Variants in CCDC150 observed in about 807,000 individuals in gnomAD.
CCDC150 encodes coiled-coil domain-containing protein 150.
Under a neutral mutation model 156.5 loss-of-function variants are expected in CCDC150, and 151 were observed. The ratio of observed to expected loss-of-function variants is 0.97; its 90% confidence interval spans 0.85 to 1.10. CCDC150 has a LOEUF of 1.10. Ranked by LOEUF, CCDC150 falls within the 50% of genes least tolerant of loss-of-function variation. The probability of loss-of-function intolerance (pLI) is 0.00; values close to 1 mark genes in which losing one functional copy is unlikely to be tolerated. For missense variants in CCDC150, 1,312 were observed against 1,268.1 expected (o/e 1.03, Z -0.53); for synonymous variants, 452 against 429.4 (o/e 1.05, Z -0.65).
chr2:196,713,864 A>G (rs558045004), intron 17 of CCDC150, among the ~76,000 whole-genome samples: 2 of 152,318 alleles, frequency 1.3e-5, no homozygotes, highest in South Asian at 2.1e-4. Flanking sequence ...TTAGTTTTAG[A>G]CATAGAACAT....
chr2:196,732,455 G>A lies in CCDC150; in HGVS notation c.3199G>A (p.Val1067Ile), dbSNP rs1186118358. The A allele has an allele frequency of 1.2e-6, 2 of 1,612,304 alleles. No homozygotes were observed. Among genetic ancestry groups the A allele is most frequent in the Non-Finnish European group, 8.5e-7 (1 of 1,178,642 alleles). The change falls in exon 28 of 28, where the codon GTA (valine) becomes ATA (isoleucine). Residue 1067 changes from valine (V) to isoleucine (I), a missense_variant. Physicochemically the swap from Val to Ile is conservative, Grantham distance 29. Coordinates refer to ENST00000389175, the MANE Select transcript of CCDC150 (RefSeq NM_001080539.2). ...GTTTTCTTTCCAACAGGACCAAGAT[G>A]TAAAACATGATGTCATGTCCAACCA... ...EDRWQEKDQD[V>I]KHDVMSNQSV...
intron 15 of CCDC150, among the ~76,000 whole-genome samples, chr2:196,702,343 C>G (rs1474073309): frequency 2.8e-5 from 4 of 143,682 alleles, no homozygotes; most frequent in Admixed American, 7.0e-5. Context: ...GACTGAAGTG[C>G]TGTGTGTGTG....
At chr2:196,692,304 T>C (rs976191944) in intron 13 of CCDC150, among the ~76,000 whole-genome samples, 1 of 150,956 alleles carries the variant, frequency 6.6e-6, no homozygotes, top group East Asian at 2.0e-4. Context: ...CCGGCTAATT[T>C]TTTGTATTTT....
intron 3 of CCDC150, 40 bp from the exon 4 acceptor site, chr2:196,656,915 CCTT>C (rs1483356150): frequency 6.2e-7 from 1 of 1,611,024 alleles, no homozygotes; most frequent in Non-Finnish European, 8.5e-7. Flanking sequence ...TCTTTACTGA[CCTT>C]CTTTCTGCTG....
intron 7 of CCDC150, among the ~76,000 whole-genome samples, chr2:196,669,009 G>A (rs1694032965): frequency 6.6e-6 from 1 of 152,100 alleles, no homozygotes; most frequent in Non-Finnish European, 1.5e-5. Context: ...ATTTTTCTGT[G>A]AAGGCAAAAC....
rs763563743 is a variant in CCDC150, at chr2:196,730,107, A to T, written c.2971A>T (p.Asn991Tyr). Residue 991 changes from asparagine to tyrosine, a missense_variant, in exon 25 of 28, where the codon AAT (asparagine) becomes TAT (tyrosine). Coordinates refer to ENST00000389175, the MANE Select transcript of CCDC150 (RefSeq NM_001080539.2). ...GCGGAAAATAAGGCAGGAGCTAGAGAATCGGTGCCAGGTAAAAGGTTTCCT... is the reference window on the plus strand; with the variant it reads ...GCGGAAAATAAGGCAGGAGCTAGAGTATCGGTGCCAGGTAAAAGGTTTCCT... ...AERKIRQELE[N>Y]RCQELEETVR... 6 of 1,604,138 alleles carry T rather than the reference A, an allele frequency of 3.7e-6. No individual in the cohort carries two copies. The highest frequency in any genetic ancestry group is 1.3e-5 in the African/African-American group (1 of 74,596).
chr2:196,700,704 G>A (rs1013954620), intron 14 of CCDC150, among the ~76,000 whole-genome samples: 2 of 152,042 alleles, frequency 1.3e-5, no homozygotes, highest in Admixed American at 6.6e-5. Flanking sequence ...TGGTAAGTGA[G>A]GTGCCTTCTG....
At chr2:196,695,851 G>A (rs5021103) in intron 14 of CCDC150, among the ~76,000 whole-genome samples, 118,264 of 151,716 alleles carry the variant, frequency 0.78, 46,286 homozygotes, top group East Asian at 0.97. Flanking sequence ...AAGGGGATTT[G>A]AAGATATGGT....
At chr2:196,643,521 T>G (rs1165789126) in intron 1 of CCDC150, among the ~76,000 whole-genome samples, 1 of 152,220 alleles carries the variant, frequency 6.6e-6, no homozygotes, top group Non-Finnish European at 1.5e-5. Context: ...ATACAGATCA[T>G]AGGTTCCTTA....
intron 14 of CCDC150, among the ~76,000 whole-genome samples, chr2:196,697,999 A>G (rs986190335): frequency 5.3e-5 from 8 of 152,170 alleles, no homozygotes; most frequent in Non-Finnish European, 1.5e-5. Flanking sequence ...ATGTTTCTCA[A>G]GTGATTCCCC....
At chr2:196,656,406 T>C (rs78390829) in intron 2 of CCDC150, among the ~76,000 whole-genome samples, 1,599 of 152,280 alleles carry the variant, frequency 0.011, 23 homozygotes, top group African/African-American at 0.036. Context: ...TCTCAACTTG[T>C]TTCTGACTTT....
chr2:196,721,223 A>T (rs1191241277), intron 20 of CCDC150, among the ~76,000 whole-genome samples: 1 of 150,062 alleles, frequency 6.7e-6, no homozygotes, highest in Non-Finnish European at 1.5e-5. Flanking sequence ...AAATTTAAAA[A>T]ATTAGGATAA....
intron 14 of CCDC150, among the ~76,000 whole-genome samples, chr2:196,699,389 A>G (rs1696046803): frequency 6.6e-6 from 1 of 152,202 alleles, no homozygotes; most frequent in Non-Finnish European, 1.5e-5. Context: ...TTTTATATTA[A>G]AGGTGTATGA....
chr2:196,679,983 T>G (rs145930572), intron 13 of CCDC150, among the ~76,000 whole-genome samples: 2 of 152,308 alleles, frequency 1.3e-5, no homozygotes, highest in East Asian at 3.9e-4. Flanking sequence ...TTAAAACATA[T>G]TCTTATAATC....
intron 8 of CCDC150, among the ~76,000 whole-genome samples, chr2:196,672,133 AAC>A (rs1694239824): frequency 6.6e-6 from 1 of 152,186 alleles, no homozygotes; most frequent in Admixed American, 6.5e-5. Flanking sequence ...GTTTTAAATA[AAC>A]AGTTTTGATA....
At chr2:196,649,825 A>G (rs1692771184) in intron 2 of CCDC150, among the ~76,000 whole-genome samples, 3 of 152,128 alleles carry the variant, frequency 2.0e-5, no homozygotes, top group Admixed American at 1.3e-4. Flanking sequence ...TAGAAATGCT[A>G]CTGATTTTTG....
intron 21 of CCDC150, among the ~76,000 whole-genome samples, chr2:196,724,531 A>T (rs527600738): frequency 6.6e-6 from 1 of 152,238 alleles, no homozygotes; most frequent in African/African-American, 2.4e-5. Context: ...TTTAGTACAA[A>T]CTATTACCCT....
At chr2:196,702,823 G>A (rs1485239460) in intron 15 of CCDC150, among the ~76,000 whole-genome samples, 1 of 152,052 alleles carries the variant, frequency 6.6e-6, no homozygotes, top group East Asian at 1.9e-4. Context: ...AATTAAAGAA[G>A]TTTATTTGGC....
chr2:196,713,534 T>C (rs1357968359), intron 17 of CCDC150: 2 of 1,550,414 alleles, frequency 1.3e-6, no homozygotes, highest in Non-Finnish European at 1.7e-6. Context: ...TATGAAAACA[T>C]CTCAGGATAT....
Sources: allele counts gnomAD v4.1 joint callset (sites outside exome capture counted in the v4.1 genomes callset), GRCh38; gene constraint gnomAD v4.1.1; transcripts MANE v1.5; gene names NCBI Gene and HGNC (gene_info 2026-07-23, HGNC 2026-07-21).